TRPM3: variants seen among roughly 807,000 people sequenced by gnomAD.
TRPM3 encodes transient receptor potential cation channel subfamily M member 3.
Under a neutral mutation model 181.2 loss-of-function variants are expected in TRPM3, and 77 were observed. That is an observed-to-expected ratio of 0.42 (90% CI 0.35 to 0.51). TRPM3 has a LOEUF of 0.51. TRPM3 is among the 20% of genes least tolerant of loss of function. The pLI, the probability that TRPM3 is intolerant of heterozygous loss-of-function variation, is 0.01. For synonymous variants in TRPM3, 745 were observed against 796.4 expected, an observed-to-expected ratio of 0.94 and a Z score of 1.09; for missense variants, 1,759 against 2,196.7, an observed-to-expected ratio of 0.80 and a Z score of 3.98.
intron 1 of TRPM3, among the ~76,000 whole-genome samples, chr9:71,357,283 T>C (rs1004938419): frequency 6.6e-6 from 1 of 152,200 alleles, no homozygotes; most frequent in Non-Finnish European, 1.5e-5. Context: ...GCACTATGTC[T>C]AAATGTACAA....
At chr9:71,027,617 A>G (rs1166575790) in intron 1 of TRPM3, among the ~76,000 whole-genome samples, 2 of 152,224 alleles carry the variant, frequency 1.3e-5, no homozygotes, top group East Asian at 1.9e-4. Flanking sequence ...CAAAATCAAC[A>G]TAATCAACCT....
chr9:70,616,544 G>T, intron 17 of TRPM3, among the ~76,000 whole-genome samples: 1 of 141,580 alleles, frequency 7.1e-6, no homozygotes, highest in Non-Finnish European at 1.5e-5. Context: ...GTCAAGTGGA[G>T]TGGATTATGT....
At chr9:70,906,778 C>T (rs557376744) in intron 1 of TRPM3, among the ~76,000 whole-genome samples, 3 of 152,106 alleles carry the variant, frequency 2.0e-5, no homozygotes, top group Non-Finnish European at 2.9e-5. Flanking sequence ...TGGCAGGCAC[C>T]TATAATCCCA....
intron 1 of TRPM3, among the ~76,000 whole-genome samples, chr9:70,871,253 T>C (rs554039661): frequency 2.9e-4 from 44 of 151,906 alleles, no homozygotes; most frequent in Non-Finnish European, 5.9e-4. Flanking sequence ...TAGATAATAT[T>C]CTCAATGTAA....
intron 1 of TRPM3, among the ~76,000 whole-genome samples, chr9:71,408,946 T>C (rs1390620132): frequency 6.6e-6 from 1 of 152,158 alleles, no homozygotes; most frequent in African/African-American, 2.4e-5. Flanking sequence ...TGGGGGCCAA[T>C]ATTCAATATT....
At chr9:70,886,930 G>A (rs1001562063) in intron 1 of TRPM3, among the ~76,000 whole-genome samples, 3 of 152,258 alleles carry the variant, frequency 2.0e-5, no homozygotes, top group African/African-American at 4.8e-5. Flanking sequence ...CACCCAAAGC[G>A]CTAGGATTAC....
chr9:71,444,496 A>G (rs1337809211), intron 1 of TRPM3, among the ~76,000 whole-genome samples: 3 of 152,222 alleles, frequency 2.0e-5, no homozygotes, highest in African/African-American at 7.2e-5. Context: ...CACATAATGA[A>G]TAAGATTCAC....
At chr9:70,739,815 A>G (rs1028528893) in intron 8 of TRPM3, among the ~76,000 whole-genome samples, 29 of 152,180 alleles carry the variant, frequency 1.9e-4, no homozygotes, top group African/African-American at 7.0e-4. Flanking sequence ...GTGGAATTTC[A>G]CCATGTTGGC....
At chr9:71,398,746 A>G (rs1396936947) in intron 1 of TRPM3, among the ~76,000 whole-genome samples, 1 of 152,166 alleles carries the variant, frequency 6.6e-6, no homozygotes, top group Non-Finnish European at 1.5e-5. Flanking sequence ...GTAGTTCTTT[A>G]TGGCAGTGTA....
rs1248931261 is a variant in TRPM3, at chr9:71,335,357, T to C, written c.183+111296A>G. ...TTTCAATATACCAGAAGACTATTTA[T>C]ACAAAACCAATATTAAGGAAATAGT... On this transcript the variant is annotated intron_variant, in intron 1 of 24. Transcript: ENST00000357533. Among the ~76,000 whole-genome samples the C allele has an allele frequency of 2.6e-5, 4 of 152,124 alleles. No individual in the cohort carries two copies. In the East Asian group the frequency reaches 5.8e-4, roughly 22 times the overall value.
At chr9:71,263,988 T>C (rs766256589) in intron 1 of TRPM3, among the ~76,000 whole-genome samples, 10 of 152,154 alleles carry the variant, frequency 6.6e-5, no homozygotes, top group Non-Finnish European at 1.0e-4. Flanking sequence ...CTCACTATGT[T>C]GCCCAGGCTG....
intron 1 of TRPM3, among the ~76,000 whole-genome samples, chr9:71,244,083 C>G (rs975894568): frequency 6.6e-6 from 1 of 152,088 alleles, no homozygotes; most frequent in East Asian, 1.9e-4. Flanking sequence ...TATAGTAAGG[C>G]AAGCTGTGGA....
chr9:71,008,165 CA>C (rs935427540), intron 1 of TRPM3, among the ~76,000 whole-genome samples: 3 of 151,546 alleles, frequency 2.0e-5, no homozygotes, highest in Non-Finnish European at 2.9e-5. Context: ...ATGGAAAATC[CA>C]AAAGAAACTT....
intron 1 of TRPM3, among the ~76,000 whole-genome samples, chr9:71,293,089 C>A (rs1565431192): frequency 6.6e-6 from 1 of 151,764 alleles, no homozygotes. Context: ...TGTTCTTTAA[C>A]ATTCAGCATC....
chr9:71,163,723 T>C (rs1175656736), intron 1 of TRPM3, among the ~76,000 whole-genome samples: 1 of 152,052 alleles, frequency 6.6e-6, no homozygotes, highest in Non-Finnish European at 1.5e-5. Flanking sequence ...GATCAAAGAC[T>C]GAGTCCTGGA....
chr9:71,167,493 CTTCT>C (rs2076597320), intron 1 of TRPM3, among the ~76,000 whole-genome samples: 1 of 152,174 alleles, frequency 6.6e-6, no homozygotes. Context: ...AAAAAACACA[CTTCT>C]TTCTCCCATG....
intron 1 of TRPM3, among the ~76,000 whole-genome samples, chr9:70,951,705 C>T (rs182214378): frequency 2.0e-5 from 3 of 152,240 alleles, no homozygotes; most frequent in Admixed American, 1.3e-4. Flanking sequence ...GCTTATATAA[C>T]CCAGGAGGAG....
intron 1 of TRPM3, among the ~76,000 whole-genome samples, chr9:70,967,507 T>C (rs2097197785): frequency 6.6e-6 from 1 of 152,176 alleles, no homozygotes; most frequent in Non-Finnish European, 1.5e-5. Flanking sequence ...TGTGAACTTA[T>C]ACTACAGATA....
intron 19 of TRPM3, among the ~76,000 whole-genome samples, chr9:70,604,998 C>T (rs1286443971): frequency 7.4e-6 from 1 of 136,044 alleles, no homozygotes; most frequent in Non-Finnish European, 1.5e-5. Context: ...ACTCTATTGC[C>T]CAGGCTGGAG....
Sources: gnomAD v4.1 joint callset for allele counts (sites outside exome capture counted in the v4.1 genomes callset) on GRCh38, gnomAD v4.1.1 for gene constraint, MANE v1.5 for transcripts, NCBI Gene and HGNC (gene_info 2026-07-23, HGNC 2026-07-21) for gene names.